SLC67A1: variants seen among roughly 807,000 people sequenced by gnomAD.
SLC67A1 encodes solute carrier family 67 member 1, also known as solute carrier family 67 member A1.
At chr11:2,913,377 C>T in the SLC67A1 span, among the ~76,000 whole-genome samples, 199 of 152,192 alleles carry the variant, frequency 1.3e-3, no homozygotes, top group African/African-American at 4.6e-3. Context: ...CTGCTGGGCC[C>T]GTGAGTCACT....
chr11:2,909,864 A>G, the SLC67A1 span: 1 of 831,014 alleles, frequency 1.2e-6, no homozygotes, highest in Non-Finnish European at 1.7e-6. Context: ...GCCCCGCGCG[A>G]GGCCTAGGCC....
chr11:2,919,839 C>A, the SLC67A1 span: 2 of 166,282 alleles, frequency 1.2e-5, no homozygotes, highest in Non-Finnish European at 2.6e-5. Context: ...TCAGAGGCCA[C>A]GCTGTCATGG....
chr11:2,903,367 A>T, the SLC67A1 span: 1 of 1,612,892 alleles, frequency 6.2e-7, no homozygotes, highest in Non-Finnish European at 8.5e-7. Flanking sequence ...TCGGGCTCCC[A>T]GGGACCAGGG....
At chr11:2,921,991 T>C in the SLC67A1 span, 2 of 793,582 alleles carry the variant, frequency 2.5e-6, no homozygotes, top group Non-Finnish European at 4.4e-6. Context: ...AGAGGGGCCC[T>C]GGCCACCACA....
the SLC67A1 span, among the ~76,000 whole-genome samples, chr11:2,904,158 G>T: frequency 6.6e-6 from 1 of 152,202 alleles, no homozygotes; most frequent in Non-Finnish European, 1.5e-5. Context: ...GAGAGGCTTG[G>T]GAACAAAGTC....
chr11:2,907,954 G>A, the SLC67A1 span, among the ~76,000 whole-genome samples: 1 of 152,204 alleles, frequency 6.6e-6, no homozygotes, highest in African/African-American at 2.4e-5. The surrounding 1 kb of genome is among the most constrained non-coding windows in gnomAD (Gnocchi z 6.7). Flanking sequence ...GGGGTCAGGT[G>A]CCTCTCTGGG....
the SLC67A1 span, among the ~76,000 whole-genome samples, chr11:2,915,537 T>C: frequency 1.3e-5 from 2 of 152,242 alleles, no homozygotes; most frequent in Admixed American, 1.3e-4. Flanking sequence ...GATCATCTAA[T>C]GATCACTGCG....
chr11:2,913,888 C>A, the SLC67A1 span, among the ~76,000 whole-genome samples: 1 of 152,184 alleles, frequency 6.6e-6, no homozygotes, highest in Non-Finnish European at 1.5e-5. Flanking sequence ...AGCAGAGGTT[C>A]CTGGAGACGC....
the SLC67A1 span, chr11:2,909,188 GC>G: frequency 6.6e-7 from 1 of 1,507,480 alleles, no homozygotes; most frequent in Non-Finnish European, 8.8e-7. Flanking sequence ...CCGCCCCTCG[GC>G]CCCCAGGTTC....
the SLC67A1 span, chr11:2,920,975 C>T: frequency 6.6e-6 from 1 of 151,494 alleles, no homozygotes; most frequent in Non-Finnish European, 1.5e-5. Flanking sequence ...AATCCCAGCA[C>T]TTTGGGAGAC....
chr11:2,899,926 T>TC, the SLC67A1 span: 1 of 506,970 alleles, frequency 2.0e-6, no homozygotes, highest in Non-Finnish European at 3.5e-6. Context: ...CTCTAAGCCC[T>TC]CCCCAGGGAA....
At chr11:2,903,562 C>CCGT in the SLC67A1 span, 1 of 1,560,470 alleles carries the variant, frequency 6.4e-7, no homozygotes, top group Non-Finnish European at 8.8e-7. Flanking sequence ...TCCATCTGGG[C>CCGT]CGTCGCAGAG....
the SLC67A1 span, among the ~76,000 whole-genome samples, chr11:2,905,236 C>T: frequency 4.6e-5 from 7 of 152,144 alleles, no homozygotes; most frequent in African/African-American, 9.6e-5. Context: ...GGCTGGAGGT[C>T]GGATGAGCTG....
chr11:2,917,078 A>G, the SLC67A1 span: 1 of 281,474 alleles, frequency 3.6e-6, no homozygotes, highest in Admixed American at 5.4e-5. Flanking sequence ...GGACCCCCCC[A>G]ATGGGGTGGG....
chr11:2,906,665 T>C, the SLC67A1 span, among the ~76,000 whole-genome samples: 12 of 138,982 alleles, frequency 8.6e-5, no homozygotes, highest in East Asian at 1.8e-3. Flanking sequence ...AATTGAACAA[T>C]GAGAACACCT....
the SLC67A1 span, among the ~76,000 whole-genome samples, chr11:2,905,947 T>C: frequency 2.0e-5 from 3 of 152,066 alleles, no homozygotes; most frequent in South Asian, 6.2e-4. Flanking sequence ...GAGAGGAACA[T>C]TGGGAGCCCT....
At chr11:2,919,038 T>C in the SLC67A1 span, 1 of 438,040 alleles carries the variant, frequency 2.3e-6, no homozygotes, top group South Asian at 4.5e-5. Context: ...TCCTCCCACG[T>C]GGTCAGCCCT....
At chr11:2,909,568 C>G in the SLC67A1 span, 19 of 1,525,762 alleles carry the variant, frequency 1.2e-5, no homozygotes, top group Non-Finnish European at 1.6e-5. Context: ...CTCCCCCGCC[C>G]CGTCCCCAGC....
At chr11:2,900,145 C>G in the SLC67A1 span, among the ~76,000 whole-genome samples, 7 of 151,946 alleles carry the variant, frequency 4.6e-5, no homozygotes, top group African/African-American at 1.7e-4. Flanking sequence ...CTTGACTGCA[C>G]TCTCCCCAAG....
Sources: gnomAD v4.1 joint callset for allele counts (sites outside exome capture counted in the v4.1 genomes callset) on GRCh38, gnomAD v4.1.1 for gene constraint, Gnocchi (gnomAD v3.1) non-coding constraint, MANE v1.5 for transcripts, NCBI Gene and HGNC (gene_info 2026-07-23, HGNC 2026-07-21) for gene names.